Variants in PTPRT observed in about 807,000 individuals in gnomAD.
PTPRT encodes the protein protein tyrosine phosphatase receptor type T.
A neutral mutation model predicts 176.8 loss-of-function variants in PTPRT; 56 were observed. The observed-to-expected ratio is 0.32, with a 90% confidence interval of 0.26 to 0.40. The LOEUF (loss-of-function observed/expected upper bound fraction) is 0.40, where lower values mean the gene tolerates loss of function less well. Among genes scored for constraint, PTPRT ranks in the 10% least tolerant of loss-of-function variants. The pLI is 1.00. For synonymous variants in PTPRT, 783 were observed against 739.0 expected (o/e 1.06, Z -0.96); for missense variants, 1,540 against 1,908.2 (o/e 0.81, Z 3.60).
At chr20:42,245,570 CA>C (rs2056434181) in intron 14 of PTPRT, among the ~76,000 whole-genome samples, 1 of 152,126 alleles carries the variant, frequency 6.6e-6, no homozygotes, top group African/African-American at 2.4e-5. Flanking sequence ...ATTTTGTATT[CA>C]GGTGTCTAAA....
intron 15 of PTPRT, among the ~76,000 whole-genome samples, chr20:42,228,063 G>C (rs1466774708): frequency 6.6e-6 from 1 of 152,158 alleles, no homozygotes; most frequent in Non-Finnish European, 1.5e-5. Context: ...ATGTTTATGA[G>C]GTAGAAGCAT....
intron 7 of PTPRT, among the ~76,000 whole-genome samples, chr20:42,666,431 T>G (rs1333455692): frequency 6.6e-6 from 1 of 152,202 alleles, no homozygotes; most frequent in Non-Finnish European, 1.5e-5. Context: ...CTTTAATTAT[T>G]ATAGTTTTTA....
chr20:42,201,189 T>C (rs1991433313), intron 15 of PTPRT, among the ~76,000 whole-genome samples: 1 of 152,012 alleles, frequency 6.6e-6, no homozygotes, highest in South Asian at 2.1e-4. Flanking sequence ...CCTGTGCTAC[T>C]CAGCAGGCTG....
At chr20:42,970,374 G>A (rs578182399) in intron 1 of PTPRT, among the ~76,000 whole-genome samples, 4 of 152,284 alleles carry the variant, frequency 2.6e-5, no homozygotes, top group Non-Finnish European at 4.4e-5. Context: ...AAACAAAGAC[G>A]ACTATTAATT....
intron 15 of PTPRT, among the ~76,000 whole-genome samples, chr20:42,228,630 T>G (rs946884137): frequency 5.9e-5 from 9 of 152,272 alleles, no homozygotes; most frequent in Admixed American, 4.6e-4. Context: ...CCAAAATAAG[T>G]GAACATGGAT....
chr20:42,645,712 G>T (rs997385242), intron 7 of PTPRT, among the ~76,000 whole-genome samples: 2 of 151,302 alleles, frequency 1.3e-5, no homozygotes, highest in African/African-American at 4.9e-5. Context: ...GAGGAAAAAA[G>T]GACATGACTG....
intron 6 of PTPRT, among the ~76,000 whole-genome samples, chr20:42,753,577 C>G (rs1569134793): frequency 6.6e-6 from 1 of 152,218 alleles, no homozygotes; most frequent in African/African-American, 2.4e-5. Flanking sequence ...ACCACCCCAC[C>G]CTCCCTAAGC....
chr20:42,966,823 C>A (rs917333785), intron 1 of PTPRT, among the ~76,000 whole-genome samples: 3 of 152,238 alleles, frequency 2.0e-5, no homozygotes, highest in Non-Finnish European at 4.4e-5. Flanking sequence ...GGAGAAATTT[C>A]TTCAGAAAAT....
intron 7 of PTPRT, among the ~76,000 whole-genome samples, chr20:42,664,895 T>A (rs2075286359): frequency 6.6e-6 from 1 of 152,222 alleles, no homozygotes; most frequent in Non-Finnish European, 1.5e-5. Context: ...GGTAGCCATA[T>A]GTAGAAAGCT....
chr20:42,821,990 T>C (rs2145658697), intron 2 of PTPRT, among the ~76,000 whole-genome samples: 1 of 152,268 alleles, frequency 6.6e-6, no homozygotes, highest in Admixed American at 6.5e-5. Context: ...ATGCCCAAAG[T>C]AATTTACAGA....
chr20:43,170,052 C>T (rs1009192621), intron 1 of PTPRT, among the ~76,000 whole-genome samples: 2 of 152,042 alleles, frequency 1.3e-5, no homozygotes, highest in Non-Finnish European at 2.9e-5. Context: ...TCTAGGATCT[C>T]ACCTGGTGCC....
chr20:42,739,293 A>C (rs1461804196), intron 6 of PTPRT, among the ~76,000 whole-genome samples: 11 of 141,790 alleles, frequency 7.8e-5, no homozygotes, highest in East Asian at 5.9e-4. Flanking sequence ...GGGAGAGATA[A>C]AAAAAAAGCA....
chr20:42,385,977 T>C (rs2145649809), intron 9 of PTPRT, among the ~76,000 whole-genome samples: 1 of 152,302 alleles, frequency 6.6e-6, no homozygotes, highest in Admixed American at 6.5e-5. Flanking sequence ...TATCACAATA[T>C]AAATAAAATA....
chr20:42,570,614 A>T (rs1486165822), intron 7 of PTPRT, among the ~76,000 whole-genome samples: 1 of 152,150 alleles, frequency 6.6e-6, no homozygotes, highest in Non-Finnish European at 1.5e-5. Flanking sequence ...ATTATTTGTC[A>T]TCTTTATATC....
chr20:42,551,913 C>T (rs1568971481), intron 7 of PTPRT, among the ~76,000 whole-genome samples: 1 of 152,164 alleles, frequency 6.6e-6, no homozygotes, highest in Non-Finnish European at 1.5e-5. Context: ...TACTATTTAG[C>T]AATTCCTGGA....
At chr20:42,733,376 G>A (rs953533940) in intron 6 of PTPRT, among the ~76,000 whole-genome samples, 3 of 152,162 alleles carry the variant, frequency 2.0e-5, no homozygotes, top group African/African-American at 4.8e-5. Flanking sequence ...GAATTCCCAC[G>A]GCATGCGCTG....
intron 1 of PTPRT, among the ~76,000 whole-genome samples, chr20:43,047,397 T>C (rs1487716329): frequency 2.6e-5 from 4 of 152,208 alleles, no homozygotes; most frequent in African/African-American, 9.6e-5. Context: ...TGACTTCAGC[T>C]ATTAGCTTAT....
chr20:42,521,799 T>C (rs909608000), intron 7 of PTPRT, among the ~76,000 whole-genome samples: 4 of 152,226 alleles, frequency 2.6e-5, no homozygotes, highest in African/African-American at 9.6e-5. Context: ...TATCACTTTA[T>C]TTTATTCTGG....
chr20:43,043,305 TAC>T (rs1456891528), intron 1 of PTPRT, among the ~76,000 whole-genome samples: 2 of 150,588 alleles, frequency 1.3e-5, no homozygotes, highest in Non-Finnish European at 3.0e-5. Context: ...TTAATTTCAG[TAC>T]AAAAGGTAGA....
Sources: allele counts gnomAD v4.1 joint callset (sites outside exome capture counted in the v4.1 genomes callset), GRCh38; gene constraint gnomAD v4.1.1; transcripts MANE v1.5; gene names NCBI Gene and HGNC (gene_info 2026-07-23, HGNC 2026-07-21).